The following CSMD2 variants were observed in gnomAD, a reference collection of about 807,000 sequenced individuals.
The protein encoded by CSMD2 is CUB and Sushi multiple domains 2.
A neutral mutation model predicts 398.5 loss-of-function variants in CSMD2; 130 were observed. The observed-to-expected ratio is 0.33, with a 90% CI of 0.28 to 0.38. The LOEUF is 0.38. Among genes scored for constraint, CSMD2 ranks in the 10% least tolerant of loss-of-function variants. CSMD2 has a pLI of 1.00. For synonymous variants in CSMD2, 1,828 were observed against 1,908.5 expected (o/e 0.96, Z 1.10); for missense variants, 3,829 against 4,764.9 (o/e 0.80, Z 5.78).
chr1:33,648,065 C>A (rs1181163617), intron 28 of CSMD2, among the ~76,000 whole-genome samples: 1 of 152,122 alleles, frequency 6.6e-6, no homozygotes, highest in African/African-American at 2.4e-5. Context: ...CAGCTGCAGA[C>A]AAAAGCAGGG....
At position 33,714,711 on chromosome 1, in the gene CSMD2, C is replaced by T. The variant is rs1646107014; in HGVS notation, c.3282G>A (p.Gln1094=). 2 of 1,614,152 alleles carry T rather than the reference C, an allele frequency of 1.2e-6. No homozygotes were observed. The highest frequency in any genetic ancestry group is 1.7e-6 in the Non-Finnish European group (2 of 1,180,040). Residue 1094 remains glutamine, a synonymous_variant, in exon 21 of 71, where the codon CAG becomes CAA. Coordinates refer to ENST00000373381, the MANE Select transcript of CSMD2 (RefSeq NM_001281956.2). ...AGGTCAAGGTGTCGCCCACGCCAAA[C>T]TGCAAGCCCTTCCGGATGCTGTAGG... ...VPAYSIRKGL[Q]FGVGDTLTFS... is the part of the protein sequence containing the mutation.
chr1:33,883,106 T>G (rs1641345886), intron 5 of CSMD2, among the ~76,000 whole-genome samples: 2 of 152,228 alleles, frequency 1.3e-5, no homozygotes, highest in Non-Finnish European at 2.9e-5. Context: ...ATCTTTGCAC[T>G]GAGTCAAGGT....
rs895722981 is a variant in CSMD2, at chr1:34,073,901, G to A, written c.404+15076C>T. Among the ~76,000 whole-genome samples, 3 of 152,204 alleles carry A rather than the reference G, an allele frequency of 2.0e-5. 1 individual carries two copies. The highest frequency in any genetic ancestry group is 4.4e-5 in the Non-Finnish European group (3 of 68,036). Reference sequence around the variant, plus strand: ...GGAAGCATGATGCTGGCATTTGCCTGGCTCCTGGGGAGGCCTCAGGAAACT... The same window carrying A: ...GGAAGCATGATGCTGGCATTTGCCTAGCTCCTGGGGAGGCCTCAGGAAACT... On this transcript the variant is annotated intron_variant, in intron 2 of 70. Transcript: ENST00000373381.
At position 33,569,632 on chromosome 1, in the gene CSMD2, T is replaced by A. The variant is rs974066414; in HGVS notation, c.7958-85A>T. 3 of 1,370,420 alleles carry A rather than the reference T, an allele frequency of 2.2e-6. No homozygotes were observed. In the African/African-American group the frequency reaches 4.3e-5, roughly 20 times the overall value. The allele number at this position is 1,370,420 out of a possible 1,614,324, so 84.9% of individuals were successfully genotyped here. A position where few individuals can be genotyped will look rare whatever the true frequency, so the allele number is the denominator to read the frequency against. On this transcript the variant is annotated intron_variant, in intron 51 of 70. Transcript: ENST00000373381. ...TGCTTAGCAAGAACTGTGACAAAAA[T>A]AAGACCTGTTTAACCTTACTCTGCT...
chr1:33,605,316 G>A lies in CSMD2; in HGVS notation c.6498C>T (p.Asn2166=). The change falls in exon 42 of 71, where the codon AAC becomes AAT. Residue 2166 remains asparagine, a synonymous_variant. Coordinates refer to ENST00000373381, the MANE Select transcript of CSMD2 (RefSeq NM_001281956.2). ...HPVLTCQHGT[N]RNWDHPLPKC... is the part of the protein sequence containing the mutation. ...TGGGCAGGGGGTGGTCCCAGTTCCG[G>A]TTGGTGCCATGTTGACACGTGAGGA... 6.2e-7 allele frequency: 1 copy of A among 1,614,170 alleles called. No individual in the cohort carries two copies. Among genetic ancestry groups the A allele is most frequent in the Non-Finnish European group, 8.5e-7 (1 of 1,180,020 alleles).
chr1:33,756,624 G>A (rs532023018), intron 13 of CSMD2, among the ~76,000 whole-genome samples: 2 of 152,328 alleles, frequency 1.3e-5, no homozygotes, highest in Non-Finnish European at 1.5e-5. Flanking sequence ...AGGGACAGAA[G>A]GGAGGCCAGC....
chr1:33,874,561 TG>T (rs1208486483), intron 5 of CSMD2, among the ~76,000 whole-genome samples: 1 of 152,238 alleles, frequency 6.6e-6, no homozygotes, highest in Admixed American at 6.5e-5. Flanking sequence ...GAAGGCCTCC[TG>T]GGCATCTGGA....
Position 33,765,270 on chromosome 1 carries a change from G to T in CSMD2, c.1846+7299C>A, listed in dbSNP as rs563254144. Reference sequence around the variant, plus strand: ...GAGAATAACAATGAATATTCTGAAAGAGAAAATAATTCAGGGAGGAAGGAG... The same window carrying T: ...GAGAATAACAATGAATATTCTGAAATAGAAAATAATTCAGGGAGGAAGGAG... On this transcript the variant is annotated intron_variant, in intron 13 of 70. Coordinates refer to ENST00000373381, the MANE Select transcript of CSMD2 (RefSeq NM_001281956.2). 2.1e-3 allele frequency among the ~76,000 whole-genome samples: 313 copies of T among 152,260 alleles called. 3 individuals carry two copies. The highest frequency in any genetic ancestry group is 0.02 in the Middle Eastern group (6 of 294).
intron 22 of CSMD2, among the ~76,000 whole-genome samples, chr1:33,702,195 A>G (rs935970282): frequency 2.0e-5 from 3 of 152,244 alleles, no homozygotes; most frequent in Non-Finnish European, 4.4e-5. Context: ...AGAAACCTAC[A>G]GATTAAAAAA....
rs1218243291 is a variant in CSMD2 at position 33,675,500 on chromosome 1, T to G, written c.4053-12408A>C. Among the ~76,000 whole-genome samples the G allele has an allele frequency of 2.6e-5, 4 of 152,280 alleles. No homozygotes were observed. The East Asian group carries it at 5.8e-4, about 22-fold the overall frequency. On this transcript the variant is annotated intron_variant, in intron 25 of 70. Transcript: ENST00000373381. ...CCAACCAAAAAAGTCCAGGACCAGA[T>G]GGATTCACAGCCGAATTCTACCAGA...
At position 33,633,095 on chromosome 1, in the gene CSMD2, G is replaced by A. The variant is rs915705492; in HGVS notation, c.5200+327C>T. 1.3e-5 allele frequency among the ~76,000 whole-genome samples: 2 copies of A among 152,088 alleles called. No homozygotes were observed. Among genetic ancestry groups the A allele is most frequent in the Non-Finnish European group, 2.9e-5 (2 of 68,016 alleles). ...TTTTGATTCTGTATGCAATTATTTT[G>A]TTTTGTCACTAAGTTTTCTATAATG... On this transcript the variant is annotated intron_variant, in intron 32 of 70. Coordinates refer to ENST00000373381, the MANE Select transcript of CSMD2 (RefSeq NM_001281956.2). The surrounding 1 kb of genome is among the most constrained non-coding windows in gnomAD (Gnocchi z 5.0).
At position 33,542,739 on chromosome 1, in the gene CSMD2, G is replaced by A. The variant is rs749499788; in HGVS notation, c.9258C>T (p.Gly3086=). Residue 3086 remains glycine, a synonymous_variant, in exon 58 of 71, where the codon GGC becomes GGT. Coordinates refer to ENST00000373381, the MANE Select transcript of CSMD2 (RefSeq NM_001281956.2). ...TCTCACCGAGGCACTCAGGGTCACTGCCTGTCCAGGTACCATTGACCGAGC... is the reference window on the plus strand; with the variant it reads ...TCTCACCGAGGCACTCAGGGTCACTACCTGTCCAGGTACCATTGACCGAGC... The part of the protein sequence containing the change: ...RHCSVNGTWT[G]SDPECLVINC... 6.2e-7 allele frequency: 1 copy of A among 1,613,868 alleles called. No homozygotes were observed. The highest frequency in any genetic ancestry group is 8.5e-7 in the Non-Finnish European group (1 of 1,179,932).
At chr1:34,148,143 C>G (rs1045637005) in intron 1 of CSMD2, among the ~76,000 whole-genome samples, 9 of 152,288 alleles carry the variant, frequency 5.9e-5, no homozygotes, top group Admixed American at 2.6e-4. Flanking sequence ...AAGTCTACCC[C>G]CTTGCCACCT....
At chr1:33,652,581 G>A in intron 27 of CSMD2, 120 bp from the exon 28 acceptor site, 2 of 1,121,034 alleles carry the variant, frequency 1.8e-6, no homozygotes, top group Non-Finnish European at 2.6e-6. Flanking sequence ...AGTTGAACCT[G>A]GCTTAGGGAC....
At chr1:33,823,924 G>T (rs1658484872) in intron 7 of CSMD2, among the ~76,000 whole-genome samples, 1 of 152,128 alleles carries the variant, frequency 6.6e-6, no homozygotes, top group Non-Finnish European at 1.5e-5. Context: ...CCTGCATCCT[G>T]TCTCCAGAAA....
intron 40 of CSMD2, among the ~76,000 whole-genome samples, chr1:33,613,641 T>C (rs1174740060): frequency 6.6e-6 from 1 of 152,162 alleles, no homozygotes; most frequent in Non-Finnish European, 1.5e-5. Context: ...TAATGAAGGA[T>C]AAAATGGGAG....
At chr1:33,947,414 C>T (rs750478890) in intron 3 of CSMD2, among the ~76,000 whole-genome samples, 2 of 152,172 alleles carry the variant, frequency 1.3e-5, no homozygotes, top group African/African-American at 2.4e-5. Flanking sequence ...CACACATCAA[C>T]TAATCCCTTA....
chr1:34,146,029 C>T (rs1639734310), intron 1 of CSMD2, among the ~76,000 whole-genome samples: 1 of 152,178 alleles, frequency 6.6e-6, no homozygotes, highest in Admixed American at 6.5e-5. Flanking sequence ...AAGCCATGTT[C>T]TTCAACATGA....
chr1:33,750,629 T>C (rs1276199362), intron 13 of CSMD2, among the ~76,000 whole-genome samples: 2 of 152,148 alleles, frequency 1.3e-5, no homozygotes, highest in Non-Finnish European at 2.9e-5. Context: ...TTATACTATA[T>C]TGACTTCAAA....
Sources: allele counts gnomAD v4.1 joint callset (sites outside exome capture counted in the v4.1 genomes callset), GRCh38; gene constraint gnomAD v4.1.1; non-coding constraint Gnocchi (gnomAD v3.1); transcripts MANE v1.5; gene names NCBI Gene and HGNC (gene_info 2026-07-23, HGNC 2026-07-21).